The following PRKCE variants were observed in gnomAD, a reference collection of about 807,000 sequenced individuals.
PRKCE encodes the protein protein kinase C epsilon.
PRKCE carries 16 observed loss-of-function variants against 85.4 expected under a neutral mutation model. The observed-to-expected ratio is 0.19, with a 90% CI of 0.13 to 0.28. PRKCE has a LOEUF of 0.28. PRKCE is among the 10% of genes least tolerant of loss of function. The pLI is 1.00. For missense variants in PRKCE, 573 were observed against 975.2 expected (o/e 0.59, Z 5.49); for synonymous variants, 388 against 371.5 (o/e 1.04, Z -0.51).
In PRKCE at chr2:46,068,981, G is replaced by A. The variant is rs1667849274; in HGVS notation, c.1438-17227G>A. On this transcript the variant is annotated intron_variant, in intron 10 of 14. Coordinates refer to ENST00000306156, the MANE Select transcript of PRKCE (RefSeq NM_005400.3). This position sits in a 1 kb window ranked among gnomAD's most constrained non-coding sequence, Gnocchi z 4.3. ...TTTCCGGTCCCAACTTAGACCTGCA[G>A]AATCAGAATATTTGGGTGTGGAGTC... is the stretch of plus-strand genomic sequence containing the variant. Among the ~76,000 whole-genome samples the A allele has an allele frequency of 6.6e-6, 1 of 152,224 alleles. No individual in the cohort carries two copies.
chr2:46,106,030 A>G (rs1671681495), intron 11 of PRKCE, among the ~76,000 whole-genome samples: 2 of 152,208 alleles, frequency 1.3e-5, no homozygotes, highest in South Asian at 2.1e-4. Context: ...TATTCATGAC[A>G]TACCTAACTT....
chr2:45,967,888 G>A (rs953508004), intron 2 of PRKCE, among the ~76,000 whole-genome samples: 6 of 152,150 alleles, frequency 3.9e-5, no homozygotes, highest in Non-Finnish European at 7.4e-5. Flanking sequence ...TGTCCAGTCT[G>A]CTAATACCTC....
rs973481114 is a variant in PRKCE at position 45,774,957 on chromosome 2, T to G, written c.349-68043T>G. On this transcript the variant is annotated intron_variant, in intron 1 of 14. Transcript: ENST00000306156. This position sits in a 1 kb window ranked among gnomAD's most constrained non-coding sequence, Gnocchi z 4.3. Reference sequence around the variant, plus strand: ...TTGTTTTTCTTAATGGTAAACAGGATAGTAAAATGACAATAGCAGCGTAGA... The same window carrying G: ...TTGTTTTTCTTAATGGTAAACAGGAGAGTAAAATGACAATAGCAGCGTAGA... Among the ~76,000 whole-genome samples, 3 of 152,154 alleles carry G rather than the reference T, an allele frequency of 2.0e-5. No homozygotes were observed. The highest frequency in any genetic ancestry group is 1.9e-4 in the East Asian group (1 of 5,178).
intron 2 of PRKCE, among the ~76,000 whole-genome samples, chr2:45,866,538 A>C (rs189230344): frequency 6.6e-6 from 1 of 151,670 alleles, no homozygotes; most frequent in Non-Finnish European, 1.5e-5. Context: ...TGATCTCCAG[A>C]CCTCGTGATC....
Position 46,184,832 on chromosome 2 carries a change from A to C in PRKCE, c.2165A>C (p.Gln722Pro). The C allele has an allele frequency of 6.3e-7, 1 of 1,599,788 alleles. No homozygotes were observed. Among genetic ancestry groups the C allele is most frequent in the South Asian group, 1.1e-5 (1 of 91,090 alleles). ...VDEAIVKQIN[Q>P]EEFKGFSYFG... The stretch of plus-strand genomic sequence containing the variant: ...GAAGCAATTGTAAAGCAGATCAACC[A>C]GGAGGAATTCAAAGGTTTCTCCTAC... The change falls in exon 15 of 15, where the codon CAG (glutamine) becomes CCG (proline). Residue 722 changes from glutamine (Q) to proline (P), a missense_variant. Coordinates refer to ENST00000306156, the MANE Select transcript of PRKCE (RefSeq NM_005400.3). This position sits in a 1 kb window ranked among gnomAD's most constrained non-coding sequence, Gnocchi z 5.0.
rs936054894 is a variant in PRKCE at position 46,159,663 on chromosome 2, G to C, written c.1978G>C (p.Asp660His). The change falls in exon 14 of 15, where the codon GAC becomes CAC. Residue 660 changes from aspartate to histidine, a missense_variant. Physicochemically the swap from Asp to His is moderately conservative, Grantham distance 81. This residue lies in a region of PRKCE where 72 missense variants were observed against 166.0 expected (regional missense o/e 0.43). Coordinates refer to ENST00000306156, the MANE Select transcript of PRKCE (RefSeq NM_005400.3). The surrounding 1 kb of genome is among the most constrained non-coding windows in gnomAD (Gnocchi z 4.1). Reference sequence around the variant, plus strand: ...CTGTGTGGCATCGCAGAATGGCGAGGACGCCATCAAGCAGCACCCATTCTT... The same window carrying C: ...CTGTGTGGCATCGCAGAATGGCGAGCACGCCATCAAGCAGCACCCATTCTT... ...LGCVASQNGE[D>H]AIKQHPFFKE... 1.3e-6 allele frequency: 2 copies of C among 1,599,370 alleles called. No individual in the cohort carries two copies. Among genetic ancestry groups the C allele is most frequent in the African/African-American group, 1.3e-5 (1 of 74,924 alleles).
chr2:46,004,436 T>C lies in PRKCE; in HGVS notation c.967-106T>C, dbSNP rs1704991165. 1 of 935,624 alleles carries C rather than the reference T, an allele frequency of 1.1e-6. No homozygotes were observed. The highest frequency in any genetic ancestry group is 1.6e-5 in the African/African-American group (1 of 61,376). 58.0% of individuals were successfully genotyped at this position (935,624 alleles called of 1,614,324 possible). A position where few individuals can be genotyped will look rare whatever the true frequency, so the allele number is the denominator to read the frequency against. On this transcript the variant is annotated intron_variant, in intron 7 of 14. Transcript: ENST00000306156. The surrounding 1 kb of genome is among the most constrained non-coding windows in gnomAD (Gnocchi z 4.1). The stretch of plus-strand genomic sequence containing the variant: ...CAGAGATCTACTGAATTCCTGCTGC[T>C]CTGGGAACTCTCATGGCTCTTATAC...
At chr2:45,801,220 G>C (rs1687841279) in intron 1 of PRKCE, among the ~76,000 whole-genome samples, 1 of 152,172 alleles carries the variant, frequency 6.6e-6, no homozygotes, top group South Asian at 2.1e-4. Flanking sequence ...TGATCTCATG[G>C]GGTACCATAG....
At chr2:46,102,492 T>C (rs1574476981) in intron 11 of PRKCE, among the ~76,000 whole-genome samples, 1 of 152,248 alleles carries the variant, frequency 6.6e-6, no homozygotes, top group African/African-American at 2.4e-5. Flanking sequence ...CCCCTATTAA[T>C]GAACTAATAC....
chr2:45,849,882 G>A (rs1446435075), intron 2 of PRKCE, among the ~76,000 whole-genome samples: 5 of 152,136 alleles, frequency 3.3e-5, no homozygotes, highest in Admixed American at 6.5e-5. Context: ...GGTCCTGATG[G>A]AATAAATTCT....
rs188262317 is a variant in PRKCE at position 46,147,598 on chromosome 2, T to C, written c.1731+2367T>C. On this transcript the variant is annotated intron_variant, in intron 12 of 14. Transcript: ENST00000306156. ...CGTGCCCACCGTGCAGAAACATCTCTGCACTGGCAATGACAATCCCTGGTC... is the reference window on the plus strand; with the variant it reads ...CGTGCCCACCGTGCAGAAACATCTCCGCACTGGCAATGACAATCCCTGGTC... Among the ~76,000 whole-genome samples, 257 of 152,338 alleles carry C rather than the reference T, an allele frequency of 1.7e-3. 1 individual carries two copies. The highest frequency in any genetic ancestry group is 5.8e-3 in the African/African-American group (241 of 41,582).
Position 46,069,150 on chromosome 2 carries a change from G to A in PRKCE, c.1438-17058G>A, listed in dbSNP as rs142502987. On this transcript the variant is annotated intron_variant, in intron 10 of 14. Coordinates refer to ENST00000306156, the MANE Select transcript of PRKCE (RefSeq NM_005400.3). ...ATTGAAGATGCTTTGAAGAGGAGAA[G>A]TGGCATGTCTTCTAGTGAGCAGACA... 6.5e-3 allele frequency among the ~76,000 whole-genome samples: 992 copies of A among 152,344 alleles called. 2 individuals are homozygous for A. The highest frequency in any genetic ancestry group is 9.2e-3 in the Non-Finnish European group (624 of 68,026).
At chr2:46,064,280 CAAA>C (rs58347072) in intron 10 of PRKCE, among the ~76,000 whole-genome samples, 4 of 90,842 alleles carry the variant, frequency 4.4e-5, no homozygotes, top group African/African-American at 7.5e-5. Context: ...GACTCTGTCT[CAAA>C]AAAAAAAAAA....
rs903783331 is a variant in PRKCE, at chr2:45,993,674, C to G, written c.824-7730C>G. Among the ~76,000 whole-genome samples, 6 of 152,036 alleles carry G rather than the reference C, an allele frequency of 3.9e-5. No homozygotes were observed. The East Asian group carries it at 1.2e-3, about 29-fold the overall frequency. Reference sequence around the variant, plus strand: ...AACTTGGCTCTTTTATTCTCTTTTCCGTCACTTCACAGAGAGGCAGAAGAC... The same window carrying G: ...AACTTGGCTCTTTTATTCTCTTTTCGGTCACTTCACAGAGAGGCAGAAGAC... On this transcript the variant is annotated intron_variant, in intron 6 of 14. Transcript: ENST00000306156.
At chr2:46,093,780 C>G (rs1206350224) in intron 11 of PRKCE, among the ~76,000 whole-genome samples, 1 of 152,082 alleles carries the variant, frequency 6.6e-6, no homozygotes, top group Non-Finnish European at 1.5e-5. Flanking sequence ...CCGTTTCTCA[C>G]CCACTACCCA....
rs1271114083 is a variant in PRKCE, at chr2:46,001,256, T to TAA, written c.824-147_824-146insAA. ...TTGGTTTTGTATGATGGAAGACATA[T>TAA]ATATATATATATATATTTCTGTATT... On this transcript the variant is annotated intron_variant, in intron 6 of 14. Transcript: ENST00000306156. The surrounding 1 kb of genome is among the most constrained non-coding windows in gnomAD (Gnocchi z 4.4). The TAA allele has an allele frequency of 9.8e-6, 4 of 407,910 alleles. No homozygotes were observed. Among genetic ancestry groups the TAA allele is most frequent in the Non-Finnish European group, 1.4e-5 (4 of 284,782 alleles). The allele number at this position is 407,910 out of a possible 1,614,324, so 25.3% of individuals were successfully genotyped here. A position where few individuals can be genotyped will look rare whatever the true frequency, so the allele number is the denominator to read the frequency against.
intron 10 of PRKCE, among the ~76,000 whole-genome samples, chr2:46,046,457 G>A (rs1453486701): frequency 1.3e-5 from 2 of 152,216 alleles, no homozygotes; most frequent in South Asian, 4.1e-4. Flanking sequence ...GAATCTCTGG[G>A]CTGAGGCCCA....
chr2:45,933,105 A>T (rs768580450), intron 2 of PRKCE, among the ~76,000 whole-genome samples: 5 of 152,118 alleles, frequency 3.3e-5, no homozygotes, highest in Non-Finnish European at 7.3e-5. Flanking sequence ...TATGTGCATC[A>T]TCTATTTGGG....
intron 11 of PRKCE, among the ~76,000 whole-genome samples, chr2:46,091,813 T>A (rs1670196952): frequency 6.6e-6 from 1 of 152,206 alleles, no homozygotes; most frequent in Non-Finnish European, 1.5e-5. Flanking sequence ...CATTAGAGAT[T>A]TCTTATCCAT....
Sources: gnomAD v4.1 joint callset for allele counts (sites outside exome capture counted in the v4.1 genomes callset) on GRCh38, gnomAD v4.1.1 for gene constraint, gnomAD v4.1.1 regional missense constraint, Gnocchi (gnomAD v3.1) non-coding constraint, MANE v1.5 for transcripts, NCBI Gene and HGNC (gene_info 2026-07-23, HGNC 2026-07-21) for gene names.